PACRG: variants seen among roughly 807,000 people sequenced by gnomAD.
PACRG encodes parkin coregulated, also known as parkin coregulated gene protein.
A neutral mutation model predicts 29.7 loss-of-function variants in PACRG; 29 were observed. The observed-to-expected ratio is 0.98, with a 90% CI of 0.73 to 1.33. PACRG has a LOEUF of 1.33. Ranked by LOEUF, PACRG falls within the 40% of genes most tolerant of loss-of-function variation. The probability of loss-of-function intolerance (pLI) is 0.00; values close to 1 mark genes in which losing one functional copy is unlikely to be tolerated. For missense variants in PACRG, 279 were observed against 316.2 expected (o/e 0.88, Z 0.89); for synonymous variants, 116 against 118.7 (o/e 0.98, Z 0.15).
chr6:162,934,739 T>G (rs1245109991), intron 2 of PACRG, among the ~76,000 whole-genome samples: 1 of 152,150 alleles, frequency 6.6e-6, no homozygotes, highest in Non-Finnish European at 1.5e-5. Context: ...TCTTTCTCAT[T>G]TGTGTATTGT....
chr6:162,791,303 G>GTTTTTTTTT (rs1272846363), intron 1 of PACRG, among the ~76,000 whole-genome samples: 2 of 85,100 alleles, frequency 2.4e-5, no homozygotes, highest in African/African-American at 5.4e-5. Context: ...CTCCTAGTTT[G>GTTTTTTTTT]TTTGTTTGTT....
intron 4 of PACRG, among the ~76,000 whole-genome samples, chr6:163,105,615 C>T (rs1470579051): frequency 2.0e-5 from 3 of 151,988 alleles, no homozygotes; most frequent in African/African-American, 7.2e-5. Context: ...TGAAATGGCT[C>T]AACATTGGGT....
chr6:162,741,652 A>G (rs375738386), intron 1 of PACRG, among the ~76,000 whole-genome samples: 1 of 152,190 alleles, frequency 6.6e-6, no homozygotes, highest in African/African-American at 2.4e-5. Flanking sequence ...GAGCTTCAAC[A>G]CATTAATTTT....
chr6:162,976,660 G>C (rs1283773164), intron 2 of PACRG, among the ~76,000 whole-genome samples: 1 of 152,040 alleles, frequency 6.6e-6, no homozygotes, highest in African/African-American at 2.4e-5. Context: ...ACATATGCCT[G>C]GTTTCATTTT....
chr6:163,302,609 G>C (rs1275318513), intron 4 of PACRG, among the ~76,000 whole-genome samples: 1 of 152,100 alleles, frequency 6.6e-6, no homozygotes, highest in Non-Finnish European at 1.5e-5. Context: ...CATTTGATGA[G>C]ATATTCCCAC....
intron 2 of PACRG, among the ~76,000 whole-genome samples, chr6:162,945,481 A>G (rs1798937993): frequency 6.6e-6 from 1 of 152,116 alleles, no homozygotes; most frequent in South Asian, 2.1e-4. Context: ...GCACCCACCA[A>G]CAGAACACTC....
chr6:163,081,531 C>T (rs980976555), intron 3 of PACRG, among the ~76,000 whole-genome samples: 14 of 152,170 alleles, frequency 9.2e-5, no homozygotes, highest in Non-Finnish European at 1.3e-4. Flanking sequence ...CCAAGGAGGG[C>T]AGATCACTTG....
upstream of PACRG, chr6:162,727,879 GC>G: frequency 1.7e-6 from 1 of 596,564 alleles, no homozygotes; most frequent in Non-Finnish European, 2.9e-6. Flanking sequence ...CACGCCTCCT[GC>G]CCCCAGCCCC....
intron 4 of PACRG, among the ~76,000 whole-genome samples, chr6:163,240,163 C>T (rs945582343): frequency 1.1e-4 from 16 of 152,216 alleles, no homozygotes; most frequent in Admixed American, 9.2e-4. Context: ...TGGTGGCTCC[C>T]CGGGGCCGCA....
chr6:162,797,407 T>C (rs2079759524), intron 1 of PACRG, among the ~76,000 whole-genome samples: 1 of 152,232 alleles, frequency 6.6e-6, no homozygotes, highest in African/African-American at 2.4e-5. Context: ...TGCTTATCTA[T>C]TGTCTTCTGG....
At chr6:163,179,331 A>G in intron 4 of PACRG, 1 of 443,112 alleles carries the variant, frequency 2.3e-6, no homozygotes, top group Non-Finnish European at 4.6e-6. Context: ...ACTGCTCCCA[A>G]GACGAGGCAC....
chr6:163,116,674 C>G (rs945160714), intron 4 of PACRG, among the ~76,000 whole-genome samples: 1 of 152,094 alleles, frequency 6.6e-6, no homozygotes, highest in Non-Finnish European at 1.5e-5. Flanking sequence ...GGGCTTAGGT[C>G]AGGGGCTCAA....
intron 4 of PACRG, among the ~76,000 whole-genome samples, chr6:163,116,380 C>T (rs2128322210): frequency 6.6e-6 from 1 of 152,238 alleles, no homozygotes; most frequent in East Asian, 1.9e-4. Flanking sequence ...CACCTCCCAC[C>T]AGGCCCCACC....
chr6:162,947,828 A>G (rs182785593), intron 2 of PACRG, among the ~76,000 whole-genome samples: 17 of 151,116 alleles, frequency 1.1e-4, no homozygotes, highest in Non-Finnish European at 2.1e-4. Context: ...AATAAAATCT[A>G]GAGATAAATT....
rs749706478 is a variant in PACRG at position 162,728,203 on chromosome 6, A to T, written c.-33A>T. ...TAAAGCCCACTGATTCTTTTACTAC[A>T]CTTTTTATGAGAACAAGACATTTTC... On this transcript the variant is annotated 5_prime_UTR_variant, in exon 1 of 5. Transcript: ENST00000366888. The T allele has an allele frequency of 1.7e-5, 28 of 1,603,264 alleles. No individual in the cohort carries two copies. Among genetic ancestry groups the T allele is most frequent in the Non-Finnish European group, 2.0e-5 (23 of 1,174,310 alleles).
intron 2 of PACRG, among the ~76,000 whole-genome samples, chr6:162,882,527 A>C (rs78330763): frequency 0.015 from 2,356 of 152,308 alleles, 65 homozygotes; most frequent in African/African-American, 0.054. Flanking sequence ...TGCCTTGGAC[A>C]TGTGGGAAAA....
chr6:162,909,410 C>A (rs1054844030), intron 2 of PACRG, among the ~76,000 whole-genome samples: 4 of 151,962 alleles, frequency 2.6e-5, no homozygotes, highest in Non-Finnish European at 4.4e-5. Context: ...AAAAAATTAG[C>A]CAGGCGTGGT....
intron 2 of PACRG, among the ~76,000 whole-genome samples, chr6:162,852,004 G>GAA (rs57306089): frequency 0.1 from 14,300 of 137,216 alleles, 976 homozygotes; most frequent in South Asian, 0.25. Flanking sequence ...AGGGAGGGAG[G>GAA]GAGGAAGGAA....
chr6:163,075,572 A>T (rs1812467590), intron 3 of PACRG, among the ~76,000 whole-genome samples: 1 of 152,228 alleles, frequency 6.6e-6, no homozygotes, highest in Non-Finnish European at 1.5e-5. Context: ...AGTTGGTTTT[A>T]TTTCAGGAGT....
Sources: allele counts gnomAD v4.1 joint callset (sites outside exome capture counted in the v4.1 genomes callset), GRCh38; gene constraint gnomAD v4.1.1; transcripts MANE v1.5; gene names NCBI Gene and HGNC (gene_info 2026-07-23, HGNC 2026-07-21).